CLPB: variants seen among roughly 807,000 people sequenced by gnomAD.
CLPB encodes ClpB family mitochondrial disaggregase, also known as mitochondrial disaggregase.
Under a neutral mutation model 78.4 loss-of-function variants are expected in CLPB, and 40 were observed. The ratio of observed to expected loss-of-function variants is 0.51; its 90% CI spans 0.40 to 0.66. The LOEUF is 0.66. Ranked by LOEUF, CLPB falls within the 30% of genes least tolerant of loss-of-function variation. CLPB has a pLI of 0.00. For missense variants in CLPB, 780 were observed against 886.9 expected (o/e 0.88, Z 1.53); for synonymous variants, 333 against 348.0 (o/e 0.96, Z 0.48).
At chr11:72,426,290 C>T (rs1590935844) in intron 2 of CLPB, among the ~76,000 whole-genome samples, 1 of 152,232 alleles carries the variant, frequency 6.6e-6, no homozygotes, top group Non-Finnish European at 1.5e-5. Context: ...GGAGGCCTCA[C>T]TTTTCCCAGT....
chr11:72,302,592 C>T, intron 9 of CLPB: 1 of 478,292 alleles, frequency 2.1e-6, no homozygotes, highest in South Asian at 2.1e-5. Context: ...CTAAATCTGA[C>T]TTGGGGTGTC....
At chr11:72,384,681 T>A (rs1565476506) in intron 3 of CLPB, among the ~76,000 whole-genome samples, 1 of 152,010 alleles carries the variant, frequency 6.6e-6, no homozygotes, top group African/African-American at 2.4e-5. Context: ...ACACATAGAC[T>A]AAATACGAAG....
intron 1 of CLPB, 136 bp from the exon 2 acceptor site, chr11:72,430,499 A>T: frequency 1.5e-6 from 1 of 678,512 alleles, no homozygotes; most frequent in Non-Finnish European, 2.5e-6. Context: ...CACAATATAT[A>T]ATGAGAAACG....
intron 4 of CLPB, among the ~76,000 whole-genome samples, chr11:72,380,043 T>G (rs895819225): frequency 7.9e-5 from 12 of 152,144 alleles, no homozygotes; most frequent in Non-Finnish European, 1.6e-4. Flanking sequence ...CGCAATTAGG[T>G]CATGAAATCA....
intron 3 of CLPB, among the ~76,000 whole-genome samples, chr11:72,382,184 G>A (rs1854936648): frequency 6.6e-6 from 1 of 151,986 alleles, no homozygotes; most frequent in African/African-American, 2.4e-5. Flanking sequence ...GCAGACTCAA[G>A]GTCCAGACCC....
intron 9 of CLPB, among the ~76,000 whole-genome samples, chr11:72,306,670 C>T (rs944508019): frequency 6.6e-6 from 1 of 152,110 alleles, no homozygotes; most frequent in African/African-American, 2.4e-5. Flanking sequence ...CATAAGAAAC[C>T]ATGTTTAAAA....
At position 72,317,212 on chromosome 11, in the gene CLPB, C is replaced by G; in HGVS notation, c.882G>C (p.Glu294Asp). ...CCTCAGCCTCACGCTTCCGCTGCTT[C>G]TCTTGGTACTGTGGGGAGAGAGGGC... ...LLRTSEAKYQ[E>D]KQRKREAEER... The change falls in exon 7 of 16, where the codon GAG becomes GAC. Residue 294 changes from glutamate to aspartate, a missense_variant. Physicochemically the swap from Glu to Asp is conservative, Grantham distance 45. This residue lies in a region of CLPB where 417 missense variants were observed against 414.7 expected (regional missense o/e 1.01). Coordinates refer to ENST00000538039, the MANE Select transcript of CLPB (RefSeq NM_001258392.3). The G allele has an allele frequency of 6.2e-7, 1 of 1,609,432 alleles. No individual in the cohort carries two copies. The highest frequency in any genetic ancestry group is 1.3e-5 in the African/African-American group (1 of 74,890).
At chr11:72,341,956 G>C (rs1565448987) in intron 5 of CLPB, among the ~76,000 whole-genome samples, 3 of 152,212 alleles carry the variant, frequency 2.0e-5, no homozygotes, top group Non-Finnish European at 4.4e-5. Flanking sequence ...TAGTCCAGGT[G>C]AGAGTGATGA....
chr11:72,348,097 A>G (rs1029787823), intron 5 of CLPB, among the ~76,000 whole-genome samples: 4 of 152,188 alleles, frequency 2.6e-5, no homozygotes, highest in African/African-American at 9.7e-5. Flanking sequence ...TATAAGATAA[A>G]TTTGTGTTGT....
At chr11:72,384,797 A>G (rs1855027652) in intron 3 of CLPB, among the ~76,000 whole-genome samples, 1 of 152,230 alleles carries the variant, frequency 6.6e-6, no homozygotes, top group African/African-American at 2.4e-5. Context: ...AAAAGAGACA[A>G]AGAAGGTCAT....
intron 4 of CLPB, chr11:72,373,126 C>T: frequency 2.5e-6 from 2 of 810,518 alleles, no homozygotes; most frequent in Non-Finnish European, 4.1e-6. Flanking sequence ...CCTCTACCCC[C>T]AGAAGGGCCC....
chr11:72,319,697 T>C (rs1950010054), intron 6 of CLPB, among the ~76,000 whole-genome samples: 1 of 152,158 alleles, frequency 6.6e-6, no homozygotes, highest in African/African-American at 2.4e-5. Flanking sequence ...AAGGTGAGGA[T>C]TAAATGAGAT....
intron 5 of CLPB, among the ~76,000 whole-genome samples, chr11:72,351,908 C>T (rs1485313809): frequency 1.3e-5 from 2 of 151,996 alleles, no homozygotes; most frequent in Admixed American, 1.3e-4. Flanking sequence ...TCAAGTGTAA[C>T]ATATAAAGAA....
chr11:72,416,504 G>A (rs1856025687), intron 2 of CLPB, among the ~76,000 whole-genome samples: 1 of 152,100 alleles, frequency 6.6e-6, no homozygotes, highest in South Asian at 2.1e-4. Flanking sequence ...GGGAGGCTGA[G>A]GCAGGCAGAT....
intron 3 of CLPB, among the ~76,000 whole-genome samples, chr11:72,386,486 A>T (rs1413733055): frequency 6.6e-6 from 1 of 152,204 alleles, no homozygotes; most frequent in East Asian, 1.9e-4. Flanking sequence ...AGTAATGTTG[A>T]TGGTTTCCCA....
intron 6 of CLPB, among the ~76,000 whole-genome samples, chr11:72,323,152 T>C (rs549918438): frequency 6.6e-6 from 1 of 152,336 alleles, no homozygotes; most frequent in Admixed American, 6.5e-5. Flanking sequence ...GATACATTTA[T>C]TGAAAATAAA....
At position 72,350,254 on chromosome 11, in the gene CLPB, A is replaced by C. The variant is rs577215265; in HGVS notation, c.775+8626T>G. On this transcript the variant is annotated intron_variant, in intron 5 of 15. Transcript: ENST00000538039. ...AGATACAATACCACAGAACTCCTCC[A>C]CTCCCCAAAATTGGACTAGACTGCT... Among the ~76,000 whole-genome samples the C allele has an allele frequency of 2.1e-5, 3 of 141,906 alleles. No individual in the cohort carries two copies. The South Asian group carries it at 6.3e-4, about 30-fold the overall frequency. The allele number at this position is 141,906 out of a possible 152,430, so 93.1% of individuals were successfully genotyped here.
rs1565413587 is a variant in CLPB, at chr11:72,286,221, C to CTTTTTTTTTTTTTTTTTTTT, written c.*7145_*7146insAAAAAAAAAAAAAAAAAAAA. ...AGATTACAGGTGTGAGATACTGCAC[C>CTTTTTTTTTTTTTTTTTTTT]TGTTTTTTTTTTTTTTTTTTTTTTT... On this transcript the variant is annotated 3_prime_UTR_variant, in exon 16 of 16. Transcript: ENST00000538039. 1.7e-5 allele frequency: 1 copy of CTTTTTTTTTTTTTTTTTTTT among 59,130 alleles called. No individual in the cohort carries two copies. Among genetic ancestry groups the CTTTTTTTTTTTTTTTTTTTT allele is most frequent in the East Asian group, 3.4e-4 (1 of 2,944 alleles). 3.7% of individuals were successfully genotyped at this position (59,130 alleles called of 1,614,324 possible). A position where few individuals can be genotyped will look rare whatever the true frequency, so the allele number is the denominator to read the frequency against.
Position 72,373,066 on chromosome 11 carries a change from C to A in CLPB, c.646+7215G>T, listed in dbSNP as rs760221223. ...GCTGGAGCAGGCCAGGTCCTGCAGG[C>A]CCTGGAGCTCTGGGAAGGGGGCACT... On this transcript the variant is annotated intron_variant, in intron 4 of 15. Coordinates refer to ENST00000538039, the MANE Select transcript of CLPB (RefSeq NM_001258392.3). 2.0e-6 allele frequency: 3 copies of A among 1,502,194 alleles called. No individual in the cohort carries two copies. In the Admixed American group the frequency reaches 5.0e-5, roughly 25 times the overall value. The allele number at this position is 1,502,194 out of a possible 1,614,324, so 93.1% of individuals were successfully genotyped here.
Sources: allele counts gnomAD v4.1 joint callset (sites outside exome capture counted in the v4.1 genomes callset), GRCh38; gene constraint gnomAD v4.1.1; regional missense constraint gnomAD v4.1.1; transcripts MANE v1.5; gene names NCBI Gene and HGNC (gene_info 2026-07-23, HGNC 2026-07-21).